The following GALK2 variants were observed in gnomAD, a reference collection of about 807,000 sequenced individuals.
GALK2 encodes the protein galactokinase 2, also known as N-acetylgalactosamine kinase.
In GALK2, 36 loss-of-function variants were observed where a neutral mutation model predicts 52.4. The ratio of observed to expected loss-of-function variants is 0.69; its 90% CI spans 0.53 to 0.91. The LOEUF is 0.91. Ranked by LOEUF, GALK2 falls within the 40% of genes least tolerant of loss-of-function variation. GALK2 has a pLI of 0.00. For missense variants in GALK2, 579 were observed against 559.1 expected, an observed-to-expected ratio of 1.04 and a Z score of -0.36; for synonymous variants, 176 against 199.1, an observed-to-expected ratio of 0.88 and a Z score of 0.98.
chr15:49,280,114 A>T (rs1276775008), intron 5 of GALK2, among the ~76,000 whole-genome samples: 2 of 152,124 alleles, frequency 1.3e-5, no homozygotes, highest in African/African-American at 4.8e-5. Context: ...ACCATACTTT[A>T]TTCATCTCTC....
intron 7 of GALK2, among the ~76,000 whole-genome samples, chr15:49,284,005 G>A (rs2033055123): frequency 6.6e-6 from 1 of 152,168 alleles, no homozygotes. Flanking sequence ...GGGGACAATT[G>A]ATGGGAATGA....
At chr15:49,210,416 A>ATTTAT (rs1555404964) in intron 2 of GALK2, among the ~76,000 whole-genome samples, 3,077 of 148,712 alleles carry the variant, frequency 0.021, 104 homozygotes, top group African/African-American at 0.073. Context: ...TTAGTGGCTG[A>ATTTAT]TTTATTTTAT....
intron 1 of GALK2, among the ~76,000 whole-genome samples, chr15:49,182,134 C>G (rs966267314): frequency 2.0e-5 from 3 of 152,122 alleles, no homozygotes; most frequent in Non-Finnish European, 4.4e-5. Context: ...CATCCCCACT[C>G]CCTCATCTCT....
At chr15:49,295,719 C>T (rs1195807133) in intron 8 of GALK2, among the ~76,000 whole-genome samples, 1 of 152,144 alleles carries the variant, frequency 6.6e-6, no homozygotes, top group East Asian at 1.9e-4. Context: ...TTGGTCTTCC[C>T]TCTGGGCTTT....
At chr15:49,257,594 A>T (rs895950481) in intron 5 of GALK2, among the ~76,000 whole-genome samples, 5 of 152,188 alleles carry the variant, frequency 3.3e-5, no homozygotes, top group African/African-American at 1.2e-4. Context: ...GAAATTTAAG[A>T]TCAATTAAAT....
At chr15:49,269,253 G>A (rs1354226110) in intron 5 of GALK2, among the ~76,000 whole-genome samples, 1 of 152,136 alleles carries the variant, frequency 6.6e-6, no homozygotes, top group Non-Finnish European at 1.5e-5. Context: ...TATTTAAAAA[G>A]TGCTGTACAA....
At chr15:49,344,794 A>T (rs1345199354) in intron 3 of GALK2, among the ~76,000 whole-genome samples, 3 of 152,148 alleles carry the variant, frequency 2.0e-5, no homozygotes, top group African/African-American at 7.2e-5. Flanking sequence ...AGGTTCAGCA[A>T]TCTTCCTGAA....
intron 8 of GALK2, among the ~76,000 whole-genome samples, chr15:49,293,534 G>C (rs1242805332): frequency 1.3e-5 from 2 of 152,212 alleles, no homozygotes; most frequent in Non-Finnish European, 2.9e-5. Flanking sequence ...TAAGAGTTGA[G>C]TAGTTGTGAT....
At chr15:49,223,767 A>G (rs2089967210) in intron 3 of GALK2, among the ~76,000 whole-genome samples, 1 of 152,080 alleles carries the variant, frequency 6.6e-6, no homozygotes, top group African/African-American at 2.4e-5. Flanking sequence ...TGTATACCAC[A>G]GTTTCTTTAT....
At chr15:49,185,624 A>G (rs747600700) in intron 1 of GALK2, 1 of 152,182 alleles carries the variant, frequency 6.6e-6, no homozygotes, top group Non-Finnish European at 1.5e-5. Context: ...CCTCATCAGC[A>G]TCTGTTAGTT....
At chr15:49,257,636 T>C (rs1187559000) in intron 5 of GALK2, among the ~76,000 whole-genome samples, 2 of 152,104 alleles carry the variant, frequency 1.3e-5, no homozygotes, top group Non-Finnish European at 2.9e-5. Context: ...AGTTAAAAAT[T>C]ATAAATATTG....
intron 1 of GALK2, among the ~76,000 whole-genome samples, chr15:49,186,899 T>G (rs2086391163): frequency 6.6e-6 from 1 of 152,204 alleles, no homozygotes; most frequent in Non-Finnish European, 1.5e-5. Context: ...GTATAAAAGG[T>G]CACTTGTCCC....
intron 8 of GALK2, among the ~76,000 whole-genome samples, chr15:49,315,332 C>A (rs140564966): frequency 3.6e-4 from 55 of 152,298 alleles, no homozygotes; most frequent in African/African-American, 1.3e-3. Flanking sequence ...TTCTTTCATC[C>A]TTTAATGTAA....
Position 49,319,822 on chromosome 15 carries a change from G to A in GALK2, c.1169+17G>A, listed in dbSNP as rs751147847. ...CATCTGTCGGTGAGGCAGCCTGGTGGGGGCCAAGGGATGCCATCAAATAAT... is the reference window on the plus strand; with the variant it reads ...CATCTGTCGGTGAGGCAGCCTGGTGAGGGCCAAGGGATGCCATCAAATAAT... On this transcript the variant is annotated intron_variant, in intron 9 of 9. Coordinates refer to ENST00000560031, the MANE Select transcript of GALK2 (RefSeq NM_002044.4). 75 of 1,603,886 alleles carry A rather than the reference G, an allele frequency of 4.7e-5. 1 individual carries two copies. In the Admixed American group the frequency reaches 1.2e-3, roughly 26 times the overall value.
At chr15:49,277,758 T>A (rs549874691) in intron 5 of GALK2, among the ~76,000 whole-genome samples, 33 of 151,188 alleles carry the variant, frequency 2.2e-4, no homozygotes, top group Non-Finnish European at 4.1e-4. Flanking sequence ...ATTGAGCCAC[T>A]GCACTCCAGC....
At chr15:49,273,244 C>T (rs1000859298) in intron 5 of GALK2, among the ~76,000 whole-genome samples, 1 of 152,212 alleles carries the variant, frequency 6.6e-6, no homozygotes, top group East Asian at 1.9e-4. Context: ...GGTGTTTCTA[C>T]ATTTTTGCAG....
intron 8 of GALK2, among the ~76,000 whole-genome samples, chr15:49,309,301 C>CT (rs2035797010): frequency 6.6e-6 from 1 of 152,078 alleles, no homozygotes; most frequent in Non-Finnish European, 1.5e-5. Context: ...AAACAAGTTT[C>CT]TTTTTTGCTT....
At chr15:49,279,192 G>A (rs560871733) in intron 5 of GALK2, among the ~76,000 whole-genome samples, 2 of 152,224 alleles carry the variant, frequency 1.3e-5, no homozygotes, top group East Asian at 1.9e-4. Flanking sequence ...AATAATTCAG[G>A]CAAAGCAATT....
intron 1 of GALK2, among the ~76,000 whole-genome samples, chr15:49,179,444 A>G (rs2085779576): frequency 6.6e-6 from 1 of 152,164 alleles, no homozygotes; most frequent in South Asian, 2.1e-4. Context: ...ACAAGCACAG[A>G]CAGGATGGGG....
Sources: gnomAD v4.1 joint callset for allele counts (sites outside exome capture counted in the v4.1 genomes callset) on GRCh38, gnomAD v4.1.1 for gene constraint, MANE v1.5 for transcripts, NCBI Gene and HGNC (gene_info 2026-07-23, HGNC 2026-07-21) for gene names.